The following MAPK8IP1 variants were observed in gnomAD, a reference collection of about 807,000 sequenced individuals.
The protein encoded by MAPK8IP1 is C-Jun-amino-terminal kinase-interacting protein 1.
Under a neutral mutation model 72.6 loss-of-function variants are expected in MAPK8IP1, and 17 were observed. The observed-to-expected ratio is 0.23, with a 90% CI of 0.16 to 0.35. The LOEUF is 0.35. MAPK8IP1 is among the 10% of genes least tolerant of loss of function. MAPK8IP1 has a pLI of 1.00. For missense variants in MAPK8IP1, 789 were observed against 1,009.7 expected, an observed-to-expected ratio of 0.78 and a Z score of 2.96; for synonymous variants, 401 against 443.4, an observed-to-expected ratio of 0.90 and a Z score of 1.20.
In MAPK8IP1 at chr11:45,902,087, T is replaced by C; in HGVS notation, c.604+26T>C. The C allele has an allele frequency of 6.3e-7, 1 of 1,591,926 alleles. No individual in the cohort carries two copies. Among genetic ancestry groups the C allele is most frequent in the Non-Finnish European group, 8.6e-7 (1 of 1,159,760 alleles). On this transcript the variant is annotated intron_variant, in intron 4 of 11. Transcript: ENST00000241014. The surrounding 1 kb of genome is among the most constrained non-coding windows in gnomAD (Gnocchi z 9.3). The stretch of plus-strand genomic sequence containing the variant: ...GTAAGTCAGGGCCCTCTTCCTTACC[T>C]GGACCTCCGCCTGCCCTGACTCAGT...
At chr11:45,898,272 A>T in intron 2 of MAPK8IP1, 82 bp downstream of exon 2, 1 of 881,320 alleles carries the variant, frequency 1.1e-6, no homozygotes, top group Non-Finnish European at 1.9e-6. Flanking sequence ...ATAGTGACAA[A>T]GGGGGTTTCA....
intron 3 of MAPK8IP1, among the ~76,000 whole-genome samples, chr11:45,901,647 T>G (rs1311874525): frequency 6.6e-6 from 1 of 152,114 alleles, no homozygotes; most frequent in Non-Finnish European, 1.5e-5. Flanking sequence ...TCCAGAGAGC[T>G]CCTGCTTCTC....
At position 45,902,242 on chromosome 11, in the gene MAPK8IP1, G is replaced by A. The variant is rs2086659479; in HGVS notation, c.605-130G>A. 3 of 993,092 alleles carry A rather than the reference G, an allele frequency of 3.0e-6. No homozygotes were observed. Among genetic ancestry groups the A allele is most frequent in the Middle Eastern group, 2.0e-4 (1 of 4,934 alleles). The allele number at this position is 993,092 out of a possible 1,614,324, so 61.5% of individuals were successfully genotyped here. ...GGCATGAGTGAGTTGACTGGCCCCA[G>A]AGCCTGCGAAGGGCCTGTTGCCCAG... On this transcript the variant is annotated intron_variant, in intron 4 of 11. Transcript: ENST00000241014. This position sits in a 1 kb window ranked among gnomAD's most constrained non-coding sequence, Gnocchi z 9.3.
At position 45,904,745 on chromosome 11, in the gene MAPK8IP1, C is replaced by T. The variant is rs1311188540; in HGVS notation, c.1804C>T (p.His602Tyr). 1 of 1,614,002 alleles carries T rather than the reference C, an allele frequency of 6.2e-7. No individual in the cohort carries two copies. The highest frequency in any genetic ancestry group is 1.7e-5 in the Admixed American group (1 of 60,030). ...KIATTRRLTV[H>Y]FNPPSSCVLE... is the part of the protein sequence containing the mutation. ...TGCCACCACCCGCCGGCTCACCGTG[C>T]ACTTTAACCCGCCCTCCAGCTGTGT... The change falls in exon 9 of 12, where the codon CAC becomes TAC. Residue 602 changes from histidine (H) to tyrosine (Y), a missense_variant. Physicochemically the swap from His to Tyr is moderately conservative, Grantham distance 83 (BLOSUM62 2). Transcript: ENST00000241014. This position sits in a 1 kb window ranked among gnomAD's most constrained non-coding sequence, Gnocchi z 6.4.
In MAPK8IP1 at chr11:45,898,371, TC is replaced by T. The variant is rs139867443; in HGVS notation, c.207+182del. ...ACGTCTTGAGTGTACAATCAGAATT[TC>T]ATTTGGTATTATTATTATTATTACT... On this transcript the variant is annotated intron_variant, in intron 2 of 11. Transcript: ENST00000241014. Among the ~76,000 whole-genome samples the T allele has an allele frequency of 1.3e-3, 203 of 152,276 alleles. 2 individuals are homozygous for T. Among genetic ancestry groups the T allele is most frequent in the African/African-American group, 4.7e-3 (197 of 41,530 alleles).
At chr11:45,896,181 C>T (rs576021077) in intron 1 of MAPK8IP1, among the ~76,000 whole-genome samples, 16 of 152,366 alleles carry the variant, frequency 1.1e-4, no homozygotes, top group Admixed American at 8.5e-4. Flanking sequence ...GGCTCTGGTG[C>T]CTCCTGCTTC....
rs2086667313 is a variant in MAPK8IP1 at position 45,902,824 on chromosome 11, CGGGGGAGCCT to C, written c.1067_1076del (p.Leu356ArgfsTer9). 1 of 1,580,726 alleles carries C rather than the reference CGGGGGAGCCT, an allele frequency of 6.3e-7. No individual in the cohort carries two copies. ...GGCTGAGCCCCCAGGCGGAGGGTGGCGGGGGAGCCTGGGGGAGCCGCCGCCACCTCCACGG... is the reference window on the plus strand; with the variant it reads ...GGCTGAGCCCCCAGGCGGAGGGTGGCGGGGGAGCCGCCGCCACCTCCACGG... On this transcript the variant is annotated frameshift_variant, in exon 5 of 12. Transcript: ENST00000241014. LOFTEE classifies it high-confidence loss of function. The surrounding 1 kb of genome is among the most constrained non-coding windows in gnomAD (Gnocchi z 9.3).
At position 45,905,058 on chromosome 11, in the gene MAPK8IP1, T is replaced by A; in HGVS notation, c.1964+17T>A. 1 of 1,614,030 alleles carries A rather than the reference T, an allele frequency of 6.2e-7. No individual in the cohort carries two copies. Among genetic ancestry groups the A allele is most frequent in the Non-Finnish European group, 8.5e-7 (1 of 1,179,968 alleles). On this transcript the variant is annotated intron_variant, in intron 10 of 11. Coordinates refer to ENST00000241014, the MANE Select transcript of MAPK8IP1 (RefSeq NM_005456.4). ...GAACAACAAGTAAGTGGGGGTGGGA[T>A]GGCAGTGGAGGAGGCACGGGTGGTC... is the stretch of plus-strand genomic sequence containing the variant.
In MAPK8IP1 at chr11:45,902,296, C is replaced by T. The variant is rs2086659931; in HGVS notation, c.605-76C>T. ...GGCTTTGTCTTGGTTTCTGTGTCAC[C>T]AAGCTGAGAGTGGCAGGTGCAGGTA... On this transcript the variant is annotated intron_variant, in intron 4 of 11. Transcript: ENST00000241014. This position sits in a 1 kb window ranked among gnomAD's most constrained non-coding sequence, Gnocchi z 9.3. 7.6e-7 allele frequency: 1 copy of T among 1,314,460 alleles called. No individual in the cohort carries two copies. The highest frequency in any genetic ancestry group is 2.5e-5 in the East Asian group (1 of 39,874). The allele number at this position is 1,314,460 out of a possible 1,614,324, so 81.4% of individuals were successfully genotyped here.
chr11:45,898,328 A>C, intron 2 of MAPK8IP1, 138 bp downstream of exon 2: 1 of 651,114 alleles, frequency 1.5e-6, no homozygotes, highest in Non-Finnish European at 2.8e-6. Flanking sequence ...TGCAAGAAAC[A>C]TAGGTATACT....
chr11:45,904,345 C>G lies in MAPK8IP1; in HGVS notation c.1667-110C>G. On this transcript the variant is annotated intron_variant, in intron 7 of 11. Transcript: ENST00000241014. The surrounding 1 kb of genome is among the most constrained non-coding windows in gnomAD (Gnocchi z 6.4). ...CAAGTTGGGCAGCCAGGGATTGTGG[C>G]AGCCTCTGTGGGCTCTGCCATTCCC... 3 of 1,181,398 alleles carry G rather than the reference C, an allele frequency of 2.5e-6. No homozygotes were observed. In the South Asian group the frequency reaches 3.9e-5, roughly 15 times the overall value. The allele number at this position is 1,181,398 out of a possible 1,614,324, so 73.2% of individuals were successfully genotyped here.
chr11:45,885,859 C>A lies in MAPK8IP1; in HGVS notation c.39C>A (p.Ala13=). The change falls in exon 1 of 12, where the codon GCC becomes GCA. Residue 13 remains alanine, a synonymous_variant. Transcript: ENST00000241014. Reference sequence around the variant, plus strand: ...AAAGCGGCGGCCTGGGAGGGGGGGCCGCGTCCCCGCCCGCCGCCTCCCCGT... The same window carrying A: ...AAAGCGGCGGCCTGGGAGGGGGGGCAGCGTCCCCGCCCGCCGCCTCCCCGT... ...ERESGGLGGG[A]ASPPAASPFL... 6.9e-7 allele frequency: 1 copy of A among 1,454,222 alleles called. No individual in the cohort carries two copies. Among genetic ancestry groups the A allele is most frequent in the Non-Finnish European group, 9.1e-7 (1 of 1,099,770 alleles). 90.1% of individuals were successfully genotyped at this position (1,454,222 alleles called of 1,614,324 possible). A position where few individuals can be genotyped will look rare whatever the true frequency, so the allele number is the denominator to read the frequency against.
chr11:45,892,528 C>G (rs60217858), intron 1 of MAPK8IP1, among the ~76,000 whole-genome samples: 3 of 152,164 alleles, frequency 2.0e-5, no homozygotes, highest in African/African-American at 7.2e-5. Flanking sequence ...TACAGTGATA[C>G]GGAACCACAG....
chr11:45,898,133 G>A lies in MAPK8IP1; in HGVS notation c.150G>A (p.Ser50=), dbSNP rs190170522. The A allele has an allele frequency of 3.2e-5, 52 of 1,613,662 alleles. No individual in the cohort carries two copies. The highest frequency in any genetic ancestry group is 2.6e-4 in the South Asian group (24 of 91,056). The change falls in exon 2 of 12, where the codon TCG becomes TCA. Residue 50 remains serine, a synonymous_variant. Coordinates refer to ENST00000241014, the MANE Select transcript of MAPK8IP1 (RefSeq NM_005456.4). The part of the protein sequence containing the change: ...SLEEFEDEDL[S]EITDECGISL... The stretch of plus-strand genomic sequence containing the variant: ...AGGAGTTTGAGGATGAAGACCTCTC[G>A]GAGATCACTGATGAGTGTGGCATCA...
intron 1 of MAPK8IP1, chr11:45,896,462 G>A: frequency 1.1e-6 from 1 of 917,256 alleles, no homozygotes; most frequent in Non-Finnish European, 1.3e-6. Context: ...CTAGATTTCT[G>A]CCATCTACTT....
At position 45,904,151 on chromosome 11, in the gene MAPK8IP1, G is replaced by A; in HGVS notation, c.1656G>A (p.Glu552=). The A allele has an allele frequency of 6.2e-7, 1 of 1,613,812 alleles. No individual in the cohort carries two copies. The highest frequency in any genetic ancestry group is 8.5e-7 in the Non-Finnish European group (1 of 1,179,940). Residue 552 remains glutamate, a synonymous_variant, in exon 7 of 12, where the codon GAG becomes GAA. Coordinates refer to ENST00000241014, the MANE Select transcript of MAPK8IP1 (RefSeq NM_005456.4). This position sits in a 1 kb window ranked among gnomAD's most constrained non-coding sequence, Gnocchi z 6.4. ...YYAIEVTKEP[E]HMAALAKNSD... ...CCATCGAGGTCACCAAGGAGCCCGAGCACATGGCAGGTAGTGTTCCCTCCC... is the reference window on the plus strand; with the variant it reads ...CCATCGAGGTCACCAAGGAGCCCGAACACATGGCAGGTAGTGTTCCCTCCC...
intron 1 of MAPK8IP1, among the ~76,000 whole-genome samples, chr11:45,889,866 G>A (rs563494528): frequency 1.9e-4 from 29 of 152,186 alleles, no homozygotes; most frequent in Non-Finnish European, 3.1e-4. Context: ...CTCAACAAAC[G>A]TTTGCACTTT....
At position 45,885,871 on chromosome 11, in the gene MAPK8IP1, C is replaced by G; in HGVS notation, c.51C>G (p.Pro17=). Residue 17 remains proline (P), a synonymous_variant, in exon 1 of 12, where the codon CCC becomes CCG. Coordinates refer to ENST00000241014, the MANE Select transcript of MAPK8IP1 (RefSeq NM_005456.4). Reference sequence around the variant, plus strand: ...TGGGAGGGGGGGCCGCGTCCCCGCCCGCCGCCTCCCCGTTCCTGGGGCTGC... The same window carrying G: ...TGGGAGGGGGGGCCGCGTCCCCGCCGGCCGCCTCCCCGTTCCTGGGGCTGC... The part of the protein sequence containing the change: ...GGLGGGAASP[P]AASPFLGLHI... The G allele has an allele frequency of 6.9e-7, 1 of 1,458,638 alleles. No individual in the cohort carries two copies. The highest frequency in any genetic ancestry group is 9.1e-7 in the Non-Finnish European group (1 of 1,101,926). The allele number at this position is 1,458,638 out of a possible 1,614,324, so 90.4% of individuals were successfully genotyped here. A position where few individuals can be genotyped will look rare whatever the true frequency, so the allele number is the denominator to read the frequency against.
intron 2 of MAPK8IP1, 38 bp downstream of exon 2, chr11:45,898,228 C>A: frequency 6.9e-7 from 1 of 1,456,630 alleles, no homozygotes; most frequent in Non-Finnish European, 9.6e-7. Context: ...AGTGGGGTGG[C>A]AGGAAGGCTA....
Sources: allele counts gnomAD v4.1 joint callset (sites outside exome capture counted in the v4.1 genomes callset), GRCh38; gene constraint gnomAD v4.1.1; non-coding constraint Gnocchi (gnomAD v3.1); transcripts MANE v1.5; gene names NCBI Gene and HGNC (gene_info 2026-07-23, HGNC 2026-07-21).